Variants in MSN observed in about 807,000 individuals in gnomAD.
The protein encoded by MSN is epididymis luminal protein 70.
Under a neutral mutation model 48.0 loss-of-function variants are expected in MSN, and 2 were observed. The ratio of observed to expected loss-of-function variants is 0.04; its 90% CI spans 0.02 to 0.13. MSN has a LOEUF of 0.13. MSN is among the 10% of genes least tolerant of loss of function. MSN has a pLI of 1.00. For missense variants in MSN, 267 were observed against 470.1 expected (o/e 0.57, Z 3.99); for synonymous variants, 146 against 166.9 (o/e 0.87, Z 0.97).
intron 1 of MSN, among the ~76,000 whole-genome samples, chrX:65,606,471 G>A (rs937083103): frequency 9.0e-6 from 1 of 110,964 alleles, no homozygotes; most frequent in East Asian, 2.8e-4. Context: ...TCCCCAGACC[G>A]GAGTACAGTG....
At chrX:65,690,881 C>G (rs1003224423) in intron 1 of MSN, among the ~76,000 whole-genome samples, 2 of 111,711 alleles carry the variant, frequency 1.8e-5, no homozygotes, top group Non-Finnish European at 3.8e-5. Context: ...CACTGTATCA[C>G]AGTGTGGTCT....
chrX:65,676,434 G>C (rs1372832950), intron 1 of MSN, among the ~76,000 whole-genome samples: 2 of 111,925 alleles, frequency 1.8e-5, no homozygotes. Context: ...TGGTGACTTC[G>C]AATATTGAAG....
At chrX:65,648,090 G>T (rs1419961726) in intron 1 of MSN, among the ~76,000 whole-genome samples, 1 of 106,308 alleles carries the variant, frequency 9.4e-6, no homozygotes, top group Non-Finnish European at 1.9e-5. Flanking sequence ...TTTTAGAATG[G>T]CTCATTGATA....
At chrX:65,666,671 G>A (rs2070874284), upstream of MSN, among the ~76,000 whole-genome samples, 1 of 110,396 alleles carries the variant, frequency 9.1e-6, no homozygotes, top group African/African-American at 3.3e-5. Context: ...ATGCTCCCCA[G>A]GCTGGTCTCG....
chrX:65,648,028 G>A (rs1191654681), intron 1 of MSN, among the ~76,000 whole-genome samples: 1 of 110,379 alleles, frequency 9.1e-6, no homozygotes, highest in African/African-American at 3.3e-5. Flanking sequence ...CGACTGGGCT[G>A]GGACCAGGGT....
At chrX:65,727,720 C>A (rs2071581654) in intron 2 of MSN, 94 bp from the exon 3 acceptor site, 2 of 695,175 alleles carry the variant, frequency 2.9e-6, no homozygotes, top group Non-Finnish European at 4.5e-6. Context: ...CCTTTAAGGG[C>A]AGATATAATA....
intron 2 of MSN, among the ~76,000 whole-genome samples, chrX:65,726,974 G>C (rs769659398): frequency 1.8e-5 from 2 of 110,748 alleles, no homozygotes; most frequent in Non-Finnish European, 3.8e-5. Context: ...CCTGCCCACT[G>C]TTCAGCCAGG....
At chrX:65,684,889 C>G (rs2071097830) in intron 1 of MSN, among the ~76,000 whole-genome samples, 1 of 112,238 alleles carries the variant, frequency 8.9e-6, no homozygotes, top group Non-Finnish European at 1.9e-5. Context: ...CAGGTGCATT[C>G]TACCATGCCC....
At chrX:65,720,132 G>C (rs2071503237) in intron 2 of MSN, among the ~76,000 whole-genome samples, 1 of 111,896 alleles carries the variant, frequency 8.9e-6, no homozygotes, top group Non-Finnish European at 1.9e-5. Flanking sequence ...CATTTATTGA[G>C]CACATACTAT....
intron 1 of MSN, among the ~76,000 whole-genome samples, chrX:65,643,903 C>T (rs1012354255): frequency 4.5e-5 from 5 of 111,611 alleles, no homozygotes; most frequent in Non-Finnish European, 7.5e-5. Context: ...GGTTTTGAAA[C>T]GGAAAGTTCT....
intron 1 of MSN, chrX:65,716,602 T>C (rs942728229): frequency 2.3e-6 from 1 of 444,215 alleles, no homozygotes; most frequent in African/African-American, 2.4e-5. Context: ...CTTTGGTAAG[T>C]ATTGCTCTGT....
intron 1 of MSN, among the ~76,000 whole-genome samples, chrX:65,707,711 C>A (rs975253165): frequency 8.9e-6 from 1 of 112,298 alleles, no homozygotes; most frequent in African/African-American, 3.2e-5. Flanking sequence ...CGTCTAGGCC[C>A]GAAAAGAAGA....
chrX:65,666,482 C>G (rs1223372545), upstream of MSN, among the ~76,000 whole-genome samples: 1 of 109,933 alleles, frequency 9.1e-6, no homozygotes, highest in East Asian at 2.8e-4. Flanking sequence ...ACGTGCCCGG[C>G]TAATTTTTGT....
chrX:65,643,598 G>T (rs980039860), intron 1 of MSN, among the ~76,000 whole-genome samples: 1 of 112,065 alleles, frequency 8.9e-6, no homozygotes, highest in East Asian at 2.8e-4. Context: ...ATTGGCCTGG[G>T]GTGGTGTCCA....
intron 1 of MSN, among the ~76,000 whole-genome samples, chrX:65,677,257 G>C (rs930056113): frequency 8.9e-6 from 1 of 111,831 alleles, no homozygotes; most frequent in African/African-American, 3.3e-5. Flanking sequence ...GAGGGTCAAG[G>C]TAACAGTCAA....
In MSN at chrX:65,741,833, T is replaced by G. The variant is rs181442924; in HGVS notation, c.*1940T>G. 3.7e-5 allele frequency: 6 copies of G among 163,240 alleles called. No individual in the cohort carries two copies. The highest frequency in any genetic ancestry group is 5.9e-5 in the Non-Finnish European group (5 of 84,481). 13.5% of individuals were successfully genotyped at this position (163,240 alleles called of 1,213,427 possible). A position where few individuals can be genotyped will look rare whatever the true frequency, so the allele number is the denominator to read the frequency against. ...AAGGTTAGATTTTGTATTCAGGGGT[T>G]TTTTGTGTACTTTTTGGGTTTTTTA... On this transcript the variant is annotated 3_prime_UTR_variant, in exon 13 of 13. Transcript: ENST00000360270.
At chrX:65,738,392 A>G (rs1471530479) in intron 10 of MSN, 133 bp from the exon 11 acceptor site, 1 of 487,554 alleles carries the variant, frequency 2.1e-6, no homozygotes, top group African/African-American at 2.4e-5. Flanking sequence ...GTAGTCTGGT[A>G]AAAGAGTCTC....
At chrX:65,676,498 T>G (rs1014433581) in intron 1 of MSN, among the ~76,000 whole-genome samples, 2 of 112,113 alleles carry the variant, frequency 1.8e-5, no homozygotes, top group African/African-American at 6.5e-5. Flanking sequence ...ATAGATACTT[T>G]GTGCATCCAG....
intron 1 of MSN, among the ~76,000 whole-genome samples, chrX:65,617,685 G>GT (rs1173675413): frequency 2.1e-3 from 198 of 94,911 alleles, no homozygotes; most frequent in African/African-American, 7.5e-3. Flanking sequence ...TTTTTGAAGG[G>GT]TTTTTTGTGT....
Sources: gnomAD v4.1 joint callset for allele counts (sites outside exome capture counted in the v4.1 genomes callset) on GRCh38, gnomAD v4.1.1 for gene constraint, MANE v1.5 for transcripts, NCBI Gene and HGNC (gene_info 2026-07-23, HGNC 2026-07-21) for gene names.